The following TRIM56 variants were observed in gnomAD, a reference collection of about 807,000 sequenced individuals.
TRIM56 encodes tripartite motif containing 56.
TRIM56 carries 10 observed loss-of-function variants against 17.1 expected under a neutral mutation model. The observed-to-expected ratio is 0.58, with a 90% CI of 0.36 to 0.99. The LOEUF (loss-of-function observed/expected upper bound fraction) is 0.99, where lower values mean the gene tolerates loss of function less well. TRIM56 is among the 50% of genes least tolerant of loss of function. The pLI is 0.01. For missense variants in TRIM56, 923 were observed against 1,052.3 expected (o/e 0.88, Z 1.70); for synonymous variants, 503 against 473.5 (o/e 1.06, Z -0.81).
Position 101,092,465 on chromosome 7 carries a change from C to G in TRIM56, c.*2885C>G. The G allele has an allele frequency of 5.8e-6, 1 of 172,862 alleles. No homozygotes were observed. The allele number at this position is 172,862 out of a possible 1,614,324, so 10.7% of individuals were successfully genotyped here. On this transcript the variant is annotated 3_prime_UTR_variant, in exon 3 of 3. Coordinates refer to ENST00000306085, the MANE Select transcript of TRIM56 (RefSeq NM_030961.3). Reference sequence around the variant, plus strand: ...ACCCAGTCTGGGAGGTGAGGAGCGTCTCTGCCCAGCCGCCCCGTCTGAGAA... The same window carrying G: ...ACCCAGTCTGGGAGGTGAGGAGCGTGTCTGCCCAGCCGCCCCGTCTGAGAA...
At position 101,092,561 on chromosome 7, in the gene TRIM56, C is replaced by G. The variant is rs546509444; in HGVS notation, c.*2981C>G. The G allele has an allele frequency of 0.082, 12,825 of 156,568 alleles. 698 individuals carry two copies. The highest frequency in any genetic ancestry group is 0.15 in the African/African-American group (5,894 of 40,512). The allele number at this position is 156,568 out of a possible 1,614,324, so 9.7% of individuals were successfully genotyped here. A position where few individuals can be genotyped will look rare whatever the true frequency, so the allele number is the denominator to read the frequency against. Reference sequence around the variant, plus strand: ...GAGCCCCTCCGCCCGGCAGCCGCCCCGTCCGGGAGGGAGGTGGGGGGTCAG... The same window carrying G: ...GAGCCCCTCCGCCCGGCAGCCGCCCGGTCCGGGAGGGAGGTGGGGGGTCAG... On this transcript the variant is annotated 3_prime_UTR_variant, in exon 3 of 3. Transcript: ENST00000306085.
chr7:101,090,731 G>A lies in TRIM56; in HGVS notation c.*1151G>A, dbSNP rs1795549595. ...AAATAAATAAATAAATAAATACCAA[G>A]TTATGAGTGTCAGAGCAGGGGAGCC... On this transcript the variant is annotated 3_prime_UTR_variant, in exon 3 of 3. Transcript: ENST00000306085. 6.7e-6 allele frequency: 1 copy of A among 149,144 alleles called. No individual in the cohort carries two copies. Among genetic ancestry groups the A allele is most frequent in the South Asian group, 2.1e-4 (1 of 4,722 alleles). 9.2% of individuals were successfully genotyped at this position (149,144 alleles called of 1,614,324 possible). A position where few individuals can be genotyped will look rare whatever the true frequency, so the allele number is the denominator to read the frequency against.
Position 101,089,846 on chromosome 7 carries a change from T to G in TRIM56, c.*266T>G. 1 of 434,944 alleles carries G rather than the reference T, an allele frequency of 2.3e-6. No individual in the cohort carries two copies. The allele number at this position is 434,944 out of a possible 1,614,324, so 26.9% of individuals were successfully genotyped here. A position where few individuals can be genotyped will look rare whatever the true frequency, so the allele number is the denominator to read the frequency against. On this transcript the variant is annotated 3_prime_UTR_variant, in exon 3 of 3. Coordinates refer to ENST00000306085, the MANE Select transcript of TRIM56 (RefSeq NM_030961.3). ...TCACCTGCCTCTTGCTTTTTGTGGGTGGCTGCTGCCACCACCGCCGCTGCT... is the reference window on the plus strand; with the variant it reads ...TCACCTGCCTCTTGCTTTTTGTGGGGGGCTGCTGCCACCACCGCCGCTGCT...
Position 101,087,635 on chromosome 7 carries a change from G to A in TRIM56, c.323G>A (p.Gly108Asp). Residue 108 changes from glycine to aspartate, a missense_variant, in exon 3 of 3, where the codon GGT becomes GAT. Around this residue, in one of 3 missense-constraint regions of TRIM56, gnomAD observed 643 missense variants for 665.6 expected, o/e 0.97. Transcript: ENST00000306085. ...KPACALCPLV[G>D]GTSTGGPATA... ...GCCTGTGCCCTGTGTCCCCTGGTGG[G>A]TGGCACCAGCACCGGGGGGCCGGCC... is the stretch of plus-strand genomic sequence containing the variant. The A allele has an allele frequency of 6.2e-7, 1 of 1,610,974 alleles. No individual in the cohort carries two copies. The highest frequency in any genetic ancestry group is 1.3e-5 in the African/African-American group (1 of 75,014).
rs954591565 is a variant in TRIM56 at position 101,096,843 on chromosome 7, A to C, written c.*7263A>C. On this transcript the variant is annotated 3_prime_UTR_variant, in exon 3 of 3. Transcript: ENST00000306085. ...AGTTACTTGAAGAAGCCTTATCTGA[A>C]GTCACAACAGTGACTTCAGGAATAG... is the stretch of plus-strand genomic sequence containing the variant. 2.0e-5 allele frequency: 3 copies of C among 152,198 alleles called. No individual in the cohort carries two copies. Among genetic ancestry groups the C allele is most frequent in the Admixed American group, 6.5e-5 (1 of 15,284 alleles). The allele number at this position is 152,198 out of a possible 1,614,324, so 9.4% of individuals were successfully genotyped here. A position where few individuals can be genotyped will look rare whatever the true frequency, so the allele number is the denominator to read the frequency against.
rs1027480753 is a variant in TRIM56 at position 101,088,569 on chromosome 7, A to T, written c.1257A>T (p.Pro419=). The part of the protein sequence containing the change: ...QPQAGDGAQT[P]KEEKAQTTRE... Reference sequence around the variant, plus strand: ...AGGCTGGAGATGGAGCCCAGACCCCAAAAGAGGAAAAAGCCCAGACAACCC... The same window carrying T: ...AGGCTGGAGATGGAGCCCAGACCCCTAAAGAGGAAAAAGCCCAGACAACCC... The change falls in exon 3 of 3, where the codon CCA becomes CCT. Residue 419 remains proline, a synonymous_variant. Coordinates refer to ENST00000306085, the MANE Select transcript of TRIM56 (RefSeq NM_030961.3). 5 of 1,609,518 alleles carry T rather than the reference A, an allele frequency of 3.1e-6. No homozygotes were observed. Among genetic ancestry groups the T allele is most frequent in the Admixed American group, 3.3e-5 (2 of 59,902 alleles).
Position 101,088,670 on chromosome 7 carries a change from G to T in TRIM56, c.1358G>T (p.Arg453Met). The change falls in exon 3 of 3, where the codon AGG becomes ATG. Residue 453 changes from arginine to methionine, a missense_variant. This residue lies in a region of TRIM56 where 643 missense variants were observed against 665.6 expected (regional missense o/e 0.97). Transcript: ENST00000306085. ...PHEDGGPQPHRGGRPNKKKKF... is the reference protein window; with the variant it reads ...PHEDGGPQPHMGGRPNKKKKF... Reference sequence around the variant, plus strand: ...GAGGATGGAGGACCCCAGCCCCACAGGGGTGGCAGACCCAACAAGAAGAAA... The same window carrying T: ...GAGGATGGAGGACCCCAGCCCCACATGGGTGGCAGACCCAACAAGAAGAAA... 1 of 1,614,068 alleles carries T rather than the reference G, an allele frequency of 6.2e-7. No homozygotes were observed. The highest frequency in any genetic ancestry group is 8.5e-7 in the Non-Finnish European group (1 of 1,179,944).
rs957900707 is a variant in TRIM56 at position 101,088,200 on chromosome 7, G to C, written c.888G>C (p.Glu296Asp). 2.0e-6 allele frequency: 3 copies of C among 1,476,024 alleles called. No individual in the cohort carries two copies. The highest frequency in any genetic ancestry group is 2.7e-5 in the South Asian group (2 of 73,658). The allele number at this position is 1,476,024 out of a possible 1,614,324, so 91.4% of individuals were successfully genotyped here. ...EAARERLAEL[E>D]GREQVARAAA... is the part of the protein sequence containing the mutation. The stretch of plus-strand genomic sequence containing the variant: ...CTCGGGAGAGGCTGGCGGAGCTTGA[G>C]GGCCGGGAGCAGGTGGCCAGGGCCG... The change falls in exon 3 of 3, where the codon GAG becomes GAC. Residue 296 changes from glutamate to aspartate, a missense_variant. By Grantham distance (45) the Glu-to-Asp change is conservative. Transcript: ENST00000306085.
rs750427288 is a variant in TRIM56 at position 101,089,053 on chromosome 7, T to C, written c.1741T>C (p.Trp581Arg). 2.5e-6 allele frequency: 4 copies of C among 1,601,158 alleles called. No individual in the cohort carries two copies. Among genetic ancestry groups the C allele is most frequent in the African/African-American group, 1.3e-5 (1 of 74,850 alleles). ...CATCAACCCCAACGGCGAAGTGCAG[T>C]GGCGCAGGGCCCTGAGCCTCTCCCA... ...YLINPNGEVQ[W>R]RRALSLSQAS... The change falls in exon 3 of 3, where the codon TGG (tryptophan) becomes CGG (arginine). Residue 581 changes from tryptophan (W) to arginine (R), a missense_variant. This residue lies in a region of TRIM56 where 643 missense variants were observed against 665.6 expected (regional missense o/e 0.97). Transcript: ENST00000306085.
rs954726888 is a variant in TRIM56 at position 101,088,353 on chromosome 7, C to T, written c.1041C>T (p.Cys347=). 4.5e-6 allele frequency: 7 copies of T among 1,546,478 alleles called. No individual in the cohort carries two copies. Among genetic ancestry groups the T allele is most frequent in the Non-Finnish European group, 6.1e-6 (7 of 1,149,128 alleles). The change falls in exon 3 of 3, where the codon TGC becomes TGT. Residue 347 remains cysteine (C), a synonymous_variant. Transcript: ENST00000306085. Reference sequence around the variant, plus strand: ...CCTGGGCACCAGGCCCGGCCCCCTGCCTGCTCCCACAGCTGGAGCTCCATC... The same window carrying T: ...CCTGGGCACCAGGCCCGGCCCCCTGTCTGCTCCCACAGCTGGAGCTCCATC... The part of the protein sequence containing the change: ...GCPWAPGPAP[C]LLPQLELHPG...
rs1011701561 is a variant in TRIM56 at position 101,090,613 on chromosome 7, A to G, written c.*1033A>G. The G allele has an allele frequency of 6.7e-5, 10 of 150,350 alleles. No individual in the cohort carries two copies. Among genetic ancestry groups the G allele is most frequent in the Non-Finnish European group, 1.5e-4 (10 of 67,720 alleles). 9.3% of individuals were successfully genotyped at this position (150,350 alleles called of 1,614,324 possible). On this transcript the variant is annotated 3_prime_UTR_variant, in exon 3 of 3. Transcript: ENST00000306085. ...CATTCCAGACCCCATCTCGAAAAAA[A>G]AAAAAAAAAAAAAAAACAGAAACAA...
rs371843986 is a variant in TRIM56 at position 101,088,040 on chromosome 7, G to T, written c.728G>T (p.Arg243Leu). ...ARRVEKEALA[R>L]LREQAARVGT... ...AGGGTGGAGAAGGAGGCGCTAGCCC[G>T]GCTGCGGGAGCAGGCGGCCCGGGTG... Residue 243 changes from arginine to leucine, a missense_variant, in exon 3 of 3, where the codon CGG becomes CTG. By Grantham distance (102) the Arg-to-Leu change is moderately radical (BLOSUM62 -2). Around this residue, in one of 3 missense-constraint regions of TRIM56, gnomAD observed 643 missense variants for 665.6 expected, o/e 0.97. Coordinates refer to ENST00000306085, the MANE Select transcript of TRIM56 (RefSeq NM_030961.3). The T allele has an allele frequency of 1.5e-4, 234 of 1,544,000 alleles. 1 individual carries two copies. In the African/African-American group the frequency reaches 3.0e-3, roughly 20 times the overall value.
rs925702742 is a variant in TRIM56, at chr7:101,088,672, G to T, written c.1360G>T (p.Gly454Cys). ...HEDGGPQPHRGGRPNKKKKFK... is the reference protein window; with the variant it reads ...HEDGGPQPHRCGRPNKKKKFK... Reference sequence around the variant, plus strand: ...GGATGGAGGACCCCAGCCCCACAGGGGTGGCAGACCCAACAAGAAGAAAAA... The same window carrying T: ...GGATGGAGGACCCCAGCCCCACAGGTGTGGCAGACCCAACAAGAAGAAAAA... Residue 454 changes from glycine (G) to cysteine (C), a missense_variant, in exon 3 of 3, where the codon GGT (glycine) becomes TGT (cysteine). By Grantham distance (159) the Gly-to-Cys change is radical. Around this residue, in one of 3 missense-constraint regions of TRIM56, gnomAD observed 643 missense variants for 665.6 expected, o/e 0.97. Coordinates refer to ENST00000306085, the MANE Select transcript of TRIM56 (RefSeq NM_030961.3). The T allele has an allele frequency of 6.2e-7, 1 of 1,614,054 alleles. No homozygotes were observed. The highest frequency in any genetic ancestry group is 1.3e-5 in the African/African-American group (1 of 75,040).
chr7:101,093,966 T>C lies in TRIM56; in HGVS notation c.*4386T>C, dbSNP rs189162895. On this transcript the variant is annotated 3_prime_UTR_variant, in exon 3 of 3. Transcript: ENST00000306085. ...TCCTGGAGAATAATTTGGCTAGACT[T>C]TGCAAGAATGACAAAAATGATTATA... 443 of 152,302 alleles carry C rather than the reference T, an allele frequency of 2.9e-3. 1 individual carries two copies. Among genetic ancestry groups the C allele is most frequent in the African/African-American group, 0.01 (430 of 41,558 alleles). 9.4% of individuals were successfully genotyped at this position (152,302 alleles called of 1,614,324 possible).
At position 101,089,372 on chromosome 7, in the gene TRIM56, A is replaced by G. The variant is rs754623276; in HGVS notation, c.2060A>G (p.Asp687Gly). The change falls in exon 3 of 3, where the codon GAT (aspartate) becomes GGT (glycine). Residue 687 changes from aspartate to glycine, a missense_variant. Around this residue, in one of 3 missense-constraint regions of TRIM56, gnomAD observed 182 missense variants for 243.1 expected, o/e 0.75. Transcript: ENST00000306085. ...HGCQPGSVSV[D>G]KKGYIFLTLR... ...TGCCAGCCGGGCTCCGTGTCTGTGGATAAGAAGGGCTACATCTTTCTGACC... is the reference window on the plus strand; with the variant it reads ...TGCCAGCCGGGCTCCGTGTCTGTGGGTAAGAAGGGCTACATCTTTCTGACC... 1 of 1,612,470 alleles carries G rather than the reference A, an allele frequency of 6.2e-7. No individual in the cohort carries two copies. The highest frequency in any genetic ancestry group is 2.2e-5 in the East Asian group (1 of 44,834).
rs951885613 is a variant in TRIM56, at chr7:101,094,704, G to C, written c.*5124G>C. On this transcript the variant is annotated 3_prime_UTR_variant, in exon 3 of 3. Coordinates refer to ENST00000306085, the MANE Select transcript of TRIM56 (RefSeq NM_030961.3). ...CCCCCTGCCAGGTGATCGAATTATCGTGGAGTGTCTGGAAGGCGGGGGAAG... is the reference window on the plus strand; with the variant it reads ...CCCCCTGCCAGGTGATCGAATTATCCTGGAGTGTCTGGAAGGCGGGGGAAG... The C allele has an allele frequency of 6.6e-6, 1 of 151,968 alleles. No individual in the cohort carries two copies. The highest frequency in any genetic ancestry group is 1.9e-4 in the East Asian group (1 of 5,162). The allele number at this position is 151,968 out of a possible 1,614,324, so 9.4% of individuals were successfully genotyped here. A position where few individuals can be genotyped will look rare whatever the true frequency, so the allele number is the denominator to read the frequency against.
Position 101,088,185 on chromosome 7 carries a change from G to C in TRIM56, c.873G>C (p.Arg291Ser). The C allele has an allele frequency of 1.3e-6, 2 of 1,484,364 alleles. No homozygotes were observed. Among genetic ancestry groups the C allele is most frequent in the Non-Finnish European group, 1.8e-6 (2 of 1,120,596 alleles). 91.9% of individuals were successfully genotyped at this position (1,484,364 alleles called of 1,614,324 possible). A position where few individuals can be genotyped will look rare whatever the true frequency, so the allele number is the denominator to read the frequency against. The stretch of plus-strand genomic sequence containing the variant: ...CTGCCGAAGAAGCTGCTCGGGAGAG[G>C]CTGGCGGAGCTTGAGGGCCGGGAGC... ...VEAAEEAARE[R>S]LAELEGREQV... Residue 291 changes from arginine to serine, a missense_variant, in exon 3 of 3, where the codon AGG becomes AGC. By Grantham distance (110) the Arg-to-Ser change is moderately radical. Transcript: ENST00000306085.
Position 101,088,916 on chromosome 7 carries a change from C to T in TRIM56, c.1604C>T (p.Ser535Phe). The change falls in exon 3 of 3, where the codon TCC (serine) becomes TTC (phenylalanine). Residue 535 changes from serine (S) to phenylalanine (F), a missense_variant. Ser to Phe is a radical substitution (Grantham distance 155). Transcript: ENST00000306085. ...CAGAACCGGGCACTGAAACGCTTCT[C>T]CCTCAACGGCGACTACAAGGGCACC... Reference protein sequence around the residue: ...DEQNRALKRFSLNGDYKGTVP... With the variant: ...DEQNRALKRFFLNGDYKGTVP... The T allele has an allele frequency of 6.2e-7, 1 of 1,613,850 alleles. No homozygotes were observed.
chr7:101,088,587 G>A lies in TRIM56; in HGVS notation c.1275G>A (p.Gln425=). 1 of 1,613,030 alleles carries A rather than the reference G, an allele frequency of 6.2e-7. No homozygotes were observed. Among genetic ancestry groups the A allele is most frequent in the Non-Finnish European group, 8.5e-7 (1 of 1,179,176 alleles). The change falls in exon 3 of 3, where the codon CAG becomes CAA. Residue 425 remains glutamine (Q), a synonymous_variant. Transcript: ENST00000306085. Reference sequence around the variant, plus strand: ...AGACCCCAAAAGAGGAAAAAGCCCAGACAACCCGAGAAGAGGGAGCCCAGA... The same window carrying A: ...AGACCCCAAAAGAGGAAAAAGCCCAAACAACCCGAGAAGAGGGAGCCCAGA... ...GAQTPKEEKA[Q]TTREEGAQTL...
Sources: gnomAD v4.1 joint callset for allele counts on GRCh38, gnomAD v4.1.1 for gene constraint, gnomAD v4.1.1 regional missense constraint, MANE v1.5 for transcripts, NCBI Gene and HGNC (gene_info 2026-07-23, HGNC 2026-07-21) for gene names.